The following DCP2 variants were observed in gnomAD, a reference collection of about 807,000 sequenced individuals.
The protein encoded by DCP2 is decapping mRNA 2.
A neutral mutation model predicts 56.1 loss-of-function variants in DCP2; 30 were observed. The ratio of observed to expected loss-of-function variants is 0.53; its 90% CI spans 0.40 to 0.73. The LOEUF (loss-of-function observed/expected upper bound fraction) is 0.73. Ranked by LOEUF, DCP2 falls within the 30% of genes least tolerant of loss-of-function variation. DCP2 has a pLI of 0.00. For synonymous variants in DCP2, 197 were observed against 163.3 expected (o/e 1.21, Z -1.57); for missense variants, 533 against 502.7 (o/e 1.06, Z -0.58).
chr5:112,994,805 C>T (rs1350981123), intron 4 of DCP2, among the ~76,000 whole-genome samples: 1 of 152,114 alleles, frequency 6.6e-6, no homozygotes, highest in East Asian at 1.9e-4. Flanking sequence ...CTCTGTAAGA[C>T]ATAAAGACCT....
rs550161435 is a variant in DCP2 at position 113,016,157 on chromosome 5, G to T, written c.*2673G>T. On this transcript the variant is annotated 3_prime_UTR_variant, in exon 11 of 11. Coordinates refer to ENST00000389063, the MANE Select transcript of DCP2 (RefSeq NM_152624.6). ...ATAAGATGCTAAATGAATTGTTTTT[G>T]TACCTAACCATTGTAATCCAAAAGA... The T allele has an allele frequency of 1.3e-5, 2 of 152,660 alleles. No homozygotes were observed. Among genetic ancestry groups the T allele is most frequent in the South Asian group, 4.1e-4 (2 of 4,832 alleles). The allele number at this position is 152,660 out of a possible 1,614,324, so 9.5% of individuals were successfully genotyped here. A position where few individuals can be genotyped will look rare whatever the true frequency, so the allele number is the denominator to read the frequency against.
At chr5:113,013,194 T>A (rs1292041432) in intron 10 of DCP2, 127 bp from the exon 11 acceptor site, 2 of 927,452 alleles carry the variant, frequency 2.2e-6, no homozygotes, top group African/African-American at 1.7e-5. Flanking sequence ...TGGTTCTGTT[T>A]AGGGTTAGAG....
chr5:113,003,806 C>G (rs1561700435), intron 7 of DCP2, 136 bp from the exon 8 acceptor site: 1 of 985,842 alleles, frequency 1.0e-6, no homozygotes, highest in Non-Finnish European at 1.5e-6. Context: ...TCTCTGCTCT[C>G]ATAGAACTTA....
At chr5:113,002,422 C>CA (rs60697650) in intron 7 of DCP2, among the ~76,000 whole-genome samples, 3,822 of 81,240 alleles carry the variant, frequency 0.047, 97 homozygotes, top group East Asian at 0.18. Context: ...GACTCGGTCT[C>CA]AAAAAAAAAA....
rs1308395242 is a variant in DCP2, at chr5:113,020,780, C to G, written c.*7296C>G. The stretch of plus-strand genomic sequence containing the variant: ...AATCCTATGTCTTAACAGTTATGCT[C>G]TAACTTTTTGAAAGCTTTTTGATGT... On this transcript the variant is annotated 3_prime_UTR_variant, in exon 11 of 11. Coordinates refer to ENST00000389063, the MANE Select transcript of DCP2 (RefSeq NM_152624.6). The G allele has an allele frequency of 6.6e-6, 1 of 152,178 alleles. No individual in the cohort carries two copies. Among genetic ancestry groups the G allele is most frequent in the African/African-American group, 2.4e-5 (1 of 41,436 alleles). The allele number at this position is 152,178 out of a possible 1,614,324, so 9.4% of individuals were successfully genotyped here.
chr5:112,982,129 A>C (rs573614395), intron 1 of DCP2, among the ~76,000 whole-genome samples: 7 of 152,038 alleles, frequency 4.6e-5, no homozygotes, highest in Non-Finnish European at 1.5e-5. Flanking sequence ...TTTCTGTTCT[A>C]ACTTTGGTGT....
chr5:113,004,853 C>T (rs866557909), intron 8 of DCP2, among the ~76,000 whole-genome samples: 4 of 150,062 alleles, frequency 2.7e-5, no homozygotes, highest in South Asian at 2.1e-4. Flanking sequence ...CTTGGCCAGG[C>T]GTGGTGGCTC....
chr5:112,991,200 G>GTTC (rs1160025652), intron 2 of DCP2, among the ~76,000 whole-genome samples: 2 of 152,110 alleles, frequency 1.3e-5, no homozygotes, highest in African/African-American at 4.8e-5. Flanking sequence ...GCATGTTAGA[G>GTTC]TAATATCAAA....
chr5:113,013,512 A>G lies in DCP2; in HGVS notation c.*28A>G. ...GCAGCACATGTATTGTAAATGTCCCAGGATCAGAGACCTGTTGAATTTGAG... is the reference window on the plus strand; with the variant it reads ...GCAGCACATGTATTGTAAATGTCCCGGGATCAGAGACCTGTTGAATTTGAG... On this transcript the variant is annotated 3_prime_UTR_variant, in exon 11 of 11. Coordinates refer to ENST00000389063, the MANE Select transcript of DCP2 (RefSeq NM_152624.6). The G allele has an allele frequency of 6.2e-7, 1 of 1,611,706 alleles. No individual in the cohort carries two copies. Among genetic ancestry groups the G allele is most frequent in the Non-Finnish European group, 8.5e-7 (1 of 1,178,598 alleles).
At chr5:112,979,301 A>C (rs982311080) in intron 1 of DCP2, among the ~76,000 whole-genome samples, 2 of 152,216 alleles carry the variant, frequency 1.3e-5, no homozygotes, top group African/African-American at 4.8e-5. Context: ...TCAGATTTTA[A>C]AATAAATGCC....
chr5:113,005,445 A>C (rs558260818), intron 8 of DCP2, among the ~76,000 whole-genome samples: 27 of 152,342 alleles, frequency 1.8e-4, no homozygotes, highest in Admixed American at 1.2e-3. Context: ...GTATCTCCAC[A>C]GTGAGATATC....
intron 2 of DCP2, among the ~76,000 whole-genome samples, chr5:112,988,710 C>T (rs1241545239): frequency 2.6e-5 from 4 of 152,064 alleles, no homozygotes; most frequent in South Asian, 2.1e-4. Flanking sequence ...ATATATTGAG[C>T]ACTATCTTTG....
intron 1 of DCP2, among the ~76,000 whole-genome samples, chr5:112,979,032 T>C (rs1747867727): frequency 1.3e-5 from 2 of 152,142 alleles, no homozygotes; most frequent in Non-Finnish European, 2.9e-5. Flanking sequence ...CGATTTTATG[T>C]ATGGAACCTA....
At chr5:113,009,929 T>TG (rs1316792529) in intron 9 of DCP2, among the ~76,000 whole-genome samples, 1 of 151,756 alleles carries the variant, frequency 6.6e-6, no homozygotes, top group African/African-American at 2.4e-5. Flanking sequence ...TCCTTTTTTT[T>TG]TTTTTTGAGA....
chr5:112,993,155 A>G (rs1035254432), intron 4 of DCP2, among the ~76,000 whole-genome samples: 1 of 152,116 alleles, frequency 6.6e-6, no homozygotes, highest in Non-Finnish European at 1.5e-5. Flanking sequence ...AGAAGTTGAC[A>G]TTTGTTGCTG....
intron 1 of DCP2, chr5:112,984,590 T>A (rs1748158655): frequency 6.6e-6 from 1 of 151,242 alleles, no homozygotes; most frequent in Non-Finnish European, 1.5e-5. Flanking sequence ...ATTTAGCTGC[T>A]TGCTAGACTT....
chr5:112,978,596 C>A (rs550468824), intron 1 of DCP2, among the ~76,000 whole-genome samples: 112 of 151,746 alleles, frequency 7.4e-4, no homozygotes, highest in Non-Finnish European at 3.4e-4. Flanking sequence ...TGGCGCTGTA[C>A]TTCTTTGGTG....
intron 4 of DCP2, among the ~76,000 whole-genome samples, chr5:112,996,914 A>G (rs1278101731): frequency 2.0e-5 from 3 of 152,246 alleles, no homozygotes; most frequent in Admixed American, 2.0e-4. Flanking sequence ...ATTCCATAAA[A>G]TAAAATGAGC....
At chr5:113,008,291 T>G (rs1749533853) in intron 9 of DCP2, 1 of 350,928 alleles carries the variant, frequency 2.8e-6, no homozygotes, top group South Asian at 8.0e-5. Context: ...AATATCAATG[T>G]GTACTCAAAC....
Sources: allele counts gnomAD v4.1 joint callset (sites outside exome capture counted in the v4.1 genomes callset), GRCh38; gene constraint gnomAD v4.1.1; transcripts MANE v1.5; gene names NCBI Gene and HGNC (gene_info 2026-07-23, HGNC 2026-07-21).